The following KLF8 variants were observed in gnomAD, a reference collection of about 807,000 sequenced individuals.
The protein encoded by KLF8 is Krueppel-like factor 8.
A neutral mutation model predicts 18.2 loss-of-function variants in KLF8; 10 were observed. That is an observed-to-expected ratio of 0.55 (90% CI 0.34 to 0.93). The LOEUF is 0.93. Ranked by LOEUF, KLF8 falls within the 40% of genes least tolerant of loss-of-function variation. The probability of loss-of-function intolerance (pLI) is 0.02; values close to 1 mark genes in which losing one functional copy is unlikely to be tolerated. For missense variants in KLF8, 264 were observed against 277.9 expected, an observed-to-expected ratio of 0.95 and a Z score of 0.36; for synonymous variants, 109 against 97.3, an observed-to-expected ratio of 1.12 and a Z score of -0.71.
At chrX:56,068,284 G>A in the KLF8 span, among the ~76,000 whole-genome samples, 2 of 109,372 alleles carry the variant, frequency 1.8e-5, no homozygotes, top group Non-Finnish European at 3.8e-5. Context: ...CACCTGCCCT[G>A]CCACTGGAAG....
At chrX:56,152,238 G>A in the KLF8 span, among the ~76,000 whole-genome samples, 3 of 111,536 alleles carry the variant, frequency 2.7e-5, no homozygotes, top group African/African-American at 9.8e-5. Context: ...TGTTGAATCA[G>A]ATTATCTATA....
intron 5 of KLF8, among the ~76,000 whole-genome samples, chrX:56,273,424 TTCTC>T (rs2067082102): frequency 1.8e-5 from 2 of 110,339 alleles, no homozygotes; most frequent in Admixed American, 1.9e-4. Context: ...GCCTTATTCA[TTCTC>T]TCTATTTTTT....
chrX:56,269,519 T>C, intron 4 of KLF8, 30 bp downstream of exon 4: 1 of 1,113,210 alleles, frequency 9.0e-7, no homozygotes, highest in Non-Finnish European at 1.2e-6. Context: ...AAGTCTGTCT[T>C]TGTGTATGTG....
the KLF8 span, among the ~76,000 whole-genome samples, chrX:55,919,550 C>G: frequency 9.0e-6 from 1 of 111,397 alleles, no homozygotes; most frequent in Non-Finnish European, 1.9e-5. Context: ...AAGTGAAACC[C>G]GCTTTTAGGA....
rs780900092 is a variant in KLF8 at position 56,286,905 on chromosome X, A to G, written c.*2411A>G. The stretch of plus-strand genomic sequence containing the variant: ...AAGACAGGTTGGTAAAGATGAACTA[A>G]CATAAGTTTAAGCTAATAATTCAGT... On this transcript the variant is annotated 3_prime_UTR_variant, in exon 6 of 6. Transcript: ENST00000468660. 2 of 112,105 alleles carry G rather than the reference A, an allele frequency of 1.8e-5. No individual in the cohort carries two copies. Among genetic ancestry groups the G allele is most frequent in the South Asian group, 7.5e-4 (2 of 2,670 alleles). 9.2% of individuals were successfully genotyped at this position (112,105 alleles called of 1,213,427 possible).
the KLF8 span, among the ~76,000 whole-genome samples, chrX:55,929,126 T>C: frequency 4.4e-5 from 5 of 112,840 alleles, no homozygotes; most frequent in Middle Eastern, 9.1e-3. Context: ...TGACCAATGA[T>C]GATGAGCTTT....
At chrX:56,049,025 G>A in the KLF8 span, among the ~76,000 whole-genome samples, 5 of 111,300 alleles carry the variant, frequency 4.5e-5, no homozygotes, top group Non-Finnish European at 7.5e-5. Flanking sequence ...ATTCTTTGAA[G>A]CAATTTTGAA....
chrX:56,107,975 T>C, the KLF8 span, among the ~76,000 whole-genome samples: 1 of 112,297 alleles, frequency 8.9e-6, no homozygotes, highest in African/African-American at 3.2e-5. Flanking sequence ...TTGAATATTA[T>C]TGTAAATGGA....
chrX:56,093,726 C>G, the KLF8 span, among the ~76,000 whole-genome samples: 3 of 110,359 alleles, frequency 2.7e-5, no homozygotes, highest in East Asian at 8.4e-4. Flanking sequence ...ATAACAGCAA[C>G]AAAATATTTA....
chrX:56,056,705 C>T, the KLF8 span, among the ~76,000 whole-genome samples: 8 of 96,232 alleles, frequency 8.3e-5, no homozygotes, highest in East Asian at 6.8e-4. Context: ...TGCTAGATGA[C>T]GAGTTAGTGG....
the KLF8 span, among the ~76,000 whole-genome samples, chrX:55,993,876 T>C: frequency 1.8e-5 from 2 of 109,796 alleles, no homozygotes; most frequent in Non-Finnish European, 3.8e-5. Flanking sequence ...AATTTACCCA[T>C]TTCATCTACA....
chrX:56,129,657 G>A, the KLF8 span, among the ~76,000 whole-genome samples: 1 of 111,442 alleles, frequency 9.0e-6, no homozygotes, highest in African/African-American at 3.3e-5. Context: ...TGAACCAAAC[G>A]TGAAGTCTCC....
At chrX:55,992,812 A>G in the KLF8 span, among the ~76,000 whole-genome samples, 2 of 111,311 alleles carry the variant, frequency 1.8e-5, no homozygotes, top group African/African-American at 3.3e-5. Context: ...GAGATCTTTC[A>G]TCTTTCTGTT....
chrX:56,249,314 A>T (rs184565746), intron 1 of KLF8, among the ~76,000 whole-genome samples: 1 of 112,321 alleles, frequency 8.9e-6, no homozygotes, highest in Admixed American at 9.4e-5. Flanking sequence ...GTTATATCTC[A>T]GTATTTGCCT....
At chrX:56,008,302 G>A in the KLF8 span, among the ~76,000 whole-genome samples, 1 of 109,256 alleles carries the variant, frequency 9.2e-6, no homozygotes, top group East Asian at 2.9e-4. Context: ...AACAGCAAGT[G>A]AATTCTGCAC....
At chrX:56,142,742 A>G in the KLF8 span, among the ~76,000 whole-genome samples, 4 of 111,815 alleles carry the variant, frequency 3.6e-5, no homozygotes, top group Admixed American at 3.8e-4. Flanking sequence ...TCAAATAATG[A>G]CAATTCCATC....
chrX:56,211,875 CAGA>C, the KLF8 span, among the ~76,000 whole-genome samples: 10 of 110,036 alleles, frequency 9.1e-5, no homozygotes, highest in Non-Finnish European at 1.9e-4. Flanking sequence ...TTTTCTCAAG[CAGA>C]AGGAGTTTTG....
chrX:55,994,887 A>G, the KLF8 span, among the ~76,000 whole-genome samples: 1 of 111,974 alleles, frequency 8.9e-6, no homozygotes, highest in Admixed American at 9.4e-5. Flanking sequence ...AATAATGTAT[A>G]TTCTGCTGTT....
At chrX:55,954,380 G>T in the KLF8 span, among the ~76,000 whole-genome samples, 350 of 111,493 alleles carry the variant, frequency 3.1e-3, no homozygotes, top group African/African-American at 0.011. Context: ...CAAAAAAATA[G>T]ACAAAGGATT....
Sources: allele counts gnomAD v4.1 joint callset (sites outside exome capture counted in the v4.1 genomes callset), GRCh38; gene constraint gnomAD v4.1.1; transcripts MANE v1.5; gene names NCBI Gene and HGNC (gene_info 2026-07-23, HGNC 2026-07-21).